L3MBTL4: variants seen among roughly 807,000 people sequenced by gnomAD.
L3MBTL4 encodes L3MBTL histone methyl-lysine binding protein 4.
Under a neutral mutation model 84.5 loss-of-function variants are expected in L3MBTL4, and 70 were observed. The ratio of observed to expected loss-of-function variants is 0.83; its 90% confidence interval spans 0.68 to 1.01. L3MBTL4 has a LOEUF of 1.01. Ranked by LOEUF, L3MBTL4 falls within the 50% of genes least tolerant of loss-of-function variation. The pLI is 0.00. For missense variants in L3MBTL4, 715 were observed against 754.8 expected, an observed-to-expected ratio of 0.95 and a Z score of 0.62; for synonymous variants, 274 against 259.8, an observed-to-expected ratio of 1.05 and a Z score of -0.52.
At chr18:6,380,108 G>T (rs2054536276) in intron 1 of L3MBTL4, among the ~76,000 whole-genome samples, 1 of 152,154 alleles carries the variant, frequency 6.6e-6, no homozygotes, top group Non-Finnish European at 1.5e-5. Context: ...TTTGCGTAGA[G>T]GTGTTCATGA....
intron 16 of L3MBTL4, among the ~76,000 whole-genome samples, chr18:5,995,198 G>A (rs1049603216): frequency 2.0e-5 from 3 of 152,240 alleles, no homozygotes; most frequent in African/African-American, 4.8e-5. Context: ...CGCCATGCAG[G>A]GATACTGCAA....
chr18:6,295,898 C>T (rs889299807), intron 4 of L3MBTL4, among the ~76,000 whole-genome samples: 4 of 152,128 alleles, frequency 2.6e-5, no homozygotes, highest in South Asian at 2.1e-4. Context: ...TTCTCATGAA[C>T]GGTTCAGCCT....
At chr18:6,353,608 C>T (rs537214758) in intron 1 of L3MBTL4, among the ~76,000 whole-genome samples, 25 of 152,154 alleles carry the variant, frequency 1.6e-4, no homozygotes, top group African/African-American at 5.8e-4. Flanking sequence ...GATACTAAAT[C>T]AACCTACAAA....
rs572846122 is a variant in L3MBTL4, at chr18:6,386,255, C to T, written c.-91+28546G>A. Among the ~76,000 whole-genome samples the T allele has an allele frequency of 1.6e-4, 25 of 152,254 alleles. 1 individual carries two copies. The South Asian group carries it at 2.5e-3, about 15-fold the overall frequency. ...AAAAAAATATTTGAGAAAATGTGAA[C>T]ACTGAGCAAAAGGCATGACAGGGAG... On this transcript the variant is annotated intron_variant, in intron 1 of 18. Transcript: ENST00000317931.
intron 16 of L3MBTL4, chr18:6,032,283 TAAAAAA>T (rs56241623): frequency 1.6e-5 from 15 of 915,196 alleles, no homozygotes; most frequent in Admixed American, 6.9e-5. Context: ...GGCCTTAAAT[TAAAAAA>T]AAAAAAAAAA....
intron 16 of L3MBTL4, among the ~76,000 whole-genome samples, chr18:6,078,482 C>A: frequency 6.9e-6 from 1 of 144,320 alleles, no homozygotes; most frequent in Admixed American, 6.9e-5. Flanking sequence ...GACATGGGTA[C>A]TGGATATTAT....
At chr18:6,385,051 A>T (rs1237513860) in intron 1 of L3MBTL4, among the ~76,000 whole-genome samples, 1 of 152,156 alleles carries the variant, frequency 6.6e-6, no homozygotes, top group East Asian at 1.9e-4. Context: ...AAGGGAGAGA[A>T]GTTCGTAAGT....
chr18:6,275,091 C>G (rs1428428303), intron 4 of L3MBTL4, among the ~76,000 whole-genome samples: 1 of 151,990 alleles, frequency 6.6e-6, no homozygotes, highest in Non-Finnish European at 1.5e-5. Context: ...GGAGAAAGTT[C>G]AAGGCTAGAA....
In L3MBTL4 at chr18:6,181,014, A is replaced by T. The variant is rs74472223; in HGVS notation, c.982-9072T>A. ...ATGATAAGCAAAGTAAGCCAGGCAC[A>T]AAAGGACAAATATCTACTTATATCT... On this transcript the variant is annotated intron_variant, in intron 12 of 18. Coordinates refer to ENST00000317931, the MANE Select transcript of L3MBTL4 (RefSeq NM_001330559.2). 5.3e-3 allele frequency among the ~76,000 whole-genome samples: 814 copies of T among 152,334 alleles called. 7 individuals are homozygous for T. The highest frequency in any genetic ancestry group is 0.018 in the African/African-American group (768 of 41,580).
At chr18:6,316,056 C>G (rs1436003889) in intron 1 of L3MBTL4, among the ~76,000 whole-genome samples, 2 of 151,814 alleles carry the variant, frequency 1.3e-5, no homozygotes, top group Non-Finnish European at 2.9e-5. Context: ...ATGCCACTCC[C>G]CTGCCACCCC....
chr18:5,984,768 T>C lies in L3MBTL4; in HGVS notation c.1445-15206A>G, dbSNP rs80190782. ...TTTTCATCCAGAGTGAATCTGAATG[T>C]TGTTTCTGAATTATTTTTGGACCTT... On this transcript the variant is annotated intron_variant, in intron 16 of 18. Coordinates refer to ENST00000317931, the MANE Select transcript of L3MBTL4 (RefSeq NM_001330559.2). 1.8e-3 allele frequency among the ~76,000 whole-genome samples: 275 copies of C among 152,334 alleles called. 3 individuals are homozygous for C. The highest frequency in any genetic ancestry group is 0.012 in the East Asian group (64 of 5,180).
chr18:6,162,550 A>G (rs1335637104), intron 13 of L3MBTL4, among the ~76,000 whole-genome samples: 2 of 152,246 alleles, frequency 1.3e-5, no homozygotes, highest in African/African-American at 4.8e-5. Flanking sequence ...ATTTTAAAAG[A>G]TACTGGACAT....
intron 16 of L3MBTL4, among the ~76,000 whole-genome samples, chr18:6,035,136 G>GA (rs1162675773): frequency 6.7e-6 from 1 of 150,352 alleles, no homozygotes; most frequent in African/African-American, 2.4e-5. Context: ...TTGCTGTGCA[G>GA]AAGCTCTTTA....
intron 15 of L3MBTL4, among the ~76,000 whole-genome samples, chr18:6,087,999 G>T (rs529840442): frequency 6.6e-6 from 1 of 152,168 alleles, no homozygotes; most frequent in African/African-American, 2.4e-5. Flanking sequence ...GTACACTAAA[G>T]ATCTATAATG....
At chr18:6,363,952 G>C (rs1053501038) in intron 1 of L3MBTL4, among the ~76,000 whole-genome samples, 5 of 152,046 alleles carry the variant, frequency 3.3e-5, no homozygotes, top group Non-Finnish European at 7.4e-5. Flanking sequence ...AAAAAAAAGA[G>C]GCTATCACTA....
chr18:6,175,514 C>A (rs575154088), intron 12 of L3MBTL4, among the ~76,000 whole-genome samples: 2 of 152,098 alleles, frequency 1.3e-5, no homozygotes, highest in African/African-American at 4.8e-5. Context: ...AGCAAATATG[C>A]GGGGAAATAT....
At chr18:6,095,627 A>G (rs1251082853) in intron 14 of L3MBTL4, among the ~76,000 whole-genome samples, 2 of 152,082 alleles carry the variant, frequency 1.3e-5, no homozygotes, top group African/African-American at 2.4e-5. Flanking sequence ...TGGGATTACA[A>G]GCGTGAGCCA....
intron 1 of L3MBTL4, among the ~76,000 whole-genome samples, chr18:6,369,862 A>G (rs1421225551): frequency 2.0e-5 from 3 of 152,174 alleles, no homozygotes; most frequent in Non-Finnish European, 4.4e-5. Context: ...AGTGGGGCAC[A>G]GTGGCTCACG....
chr18:6,165,566 T>A (rs1180014001), intron 13 of L3MBTL4, among the ~76,000 whole-genome samples: 1 of 152,162 alleles, frequency 6.6e-6, no homozygotes, highest in Non-Finnish European at 1.5e-5. Context: ...CAAAATTTCA[T>A]ATCCAGCCAA....
Sources: allele counts gnomAD v4.1 joint callset (sites outside exome capture counted in the v4.1 genomes callset), GRCh38; gene constraint gnomAD v4.1.1; transcripts MANE v1.5; gene names NCBI Gene and HGNC (gene_info 2026-07-23, HGNC 2026-07-21).